DPH1: variants seen among roughly 807,000 people sequenced by gnomAD.
DPH1 encodes the protein 2-(3-amino-3-carboxypropyl)histidine synthase subunit 1.
In DPH1, 59 loss-of-function variants were observed where a neutral mutation model predicts 55.3. That is an observed-to-expected ratio of 1.07 (90% CI 0.87 to 1.33). The LOEUF (loss-of-function observed/expected upper bound fraction) is 1.33, where lower values mean the gene tolerates loss of function less well. Among genes scored for constraint, DPH1 ranks in the 40% most tolerant of loss-of-function variants. The probability of loss-of-function intolerance (pLI) is 0.00; values close to 1 mark genes in which losing one functional copy is unlikely to be tolerated. For missense variants in DPH1, 628 were observed against 584.8 expected, an observed-to-expected ratio of 1.07 and a Z score of -0.76; for synonymous variants, 238 against 235.5, an observed-to-expected ratio of 1.01 and a Z score of -0.10.
At chr17:2,031,746 A>G (rs1407964307) in intron 1 of DPH1, among the ~76,000 whole-genome samples, 1 of 152,110 alleles carries the variant, frequency 6.6e-6, no homozygotes, top group Non-Finnish European at 1.5e-5. Flanking sequence ...GCCTTAAAAA[A>G]TAATAAGATG....
chr17:2,038,246 G>A (rs2067456473), intron 6 of DPH1, among the ~76,000 whole-genome samples: 1 of 151,776 alleles, frequency 6.6e-6, no homozygotes, highest in African/African-American at 2.4e-5. Flanking sequence ...GATCGCTTGA[G>A]CCTGGGAGGT....
intron 9 of DPH1, 108 bp from the exon 10 acceptor site, chr17:2,040,994 TA>T: frequency 9.3e-7 from 1 of 1,070,008 alleles, no homozygotes; most frequent in Non-Finnish European, 1.4e-6. Flanking sequence ...TTAGGATTCA[TA>T]AAGCCTGTTA....
chr17:2,037,256 G>A (rs746352600), intron 6 of DPH1: 3 of 254,440 alleles, frequency 1.2e-5, no homozygotes, highest in African/African-American at 2.2e-5. Context: ...GGATGGGCAC[G>A]CCCAGGCTGC....
Position 2,033,790 on chromosome 17 carries a change from A to G in DPH1, c.226A>G (p.Met76Val). The change falls in exon 3 of 13, where the codon ATG (methionine) becomes GTG (valine). Residue 76 changes from methionine (M) to valine (V), a missense_variant. Transcript: ENST00000263083. Reference sequence around the variant, plus strand: ...TGCTCGTCTTGCAGTGGCCTTGCAAATGCCGGAAGGCCTCCTCCTCTTTGC... The same window carrying G: ...TGCTCGTCTTGCAGTGGCCTTGCAAGTGCCGGAAGGCCTCCTCCTCTTTGC... The part of the protein sequence containing the change: ...QAQAKKVALQ[M>V]PEGLLLFACT... 1.9e-6 allele frequency: 3 copies of G among 1,614,148 alleles called. No homozygotes were observed. The highest frequency in any genetic ancestry group is 2.5e-6 in the Non-Finnish European group (3 of 1,180,026).
intron 7 of DPH1, 51 bp from the exon 8 acceptor site, chr17:2,040,167 T>C: frequency 6.2e-7 from 1 of 1,606,618 alleles, no homozygotes; most frequent in Non-Finnish European, 8.5e-7. Flanking sequence ...GTGTGCATAA[T>C]ACTGGTCCTG....
chr17:2,032,901 T>G (rs1567542180), intron 1 of DPH1, among the ~76,000 whole-genome samples: 1 of 152,074 alleles, frequency 6.6e-6, no homozygotes, highest in Non-Finnish European at 1.5e-5. Context: ...CCGGCTAATT[T>G]TTTGTATTTT....
Position 2,041,189 on chromosome 17 carries a change from C to T in DPH1, c.1086+8C>T. On this transcript the variant is annotated splice_region_variant and intron_variant, in intron 10 of 12. Transcript: ENST00000263083. ...CTGCTGACACCCTATGAGGTAACAC[C>T]AAGCTCTGGGAGAGAGTGGGCTTTG... 1 of 1,600,436 alleles carries T rather than the reference C, an allele frequency of 6.2e-7. No homozygotes were observed. The highest frequency in any genetic ancestry group is 8.5e-7 in the Non-Finnish European group (1 of 1,173,010).
Position 2,036,831 on chromosome 17 carries a change from A to G in DPH1, c.559-4A>G, listed in dbSNP as rs772572785. 1.2e-5 allele frequency: 19 copies of G among 1,613,060 alleles called. No homozygotes were observed. In the East Asian group the frequency reaches 1.8e-4, roughly 15 times the overall value. ...TGGCTTCACTTCCCTCGTCATTCCTACAGGCAGCCGCCCAGGAGCTGAAAG... is the reference window on the plus strand; with the variant it reads ...TGGCTTCACTTCCCTCGTCATTCCTGCAGGCAGCCGCCCAGGAGCTGAAAG... On this transcript the variant is annotated splice_polypyrimidine_tract_variant and splice_region_variant and intron_variant, in intron 5 of 12. Transcript: ENST00000263083. The surrounding 1 kb of genome is among the most constrained non-coding windows in gnomAD (Gnocchi z 4.8).
intron 6 of DPH1, among the ~76,000 whole-genome samples, chr17:2,038,555 A>G (rs2067461621): frequency 6.6e-6 from 1 of 152,174 alleles, no homozygotes; most frequent in Non-Finnish European, 1.5e-5. Context: ...CCGCCGCGGC[A>G]TTAGATTCTT....
chr17:2,042,223 C>T lies in DPH1; in HGVS notation c.*18+348C>T. 1.4e-6 allele frequency: 2 copies of T among 1,426,890 alleles called. No homozygotes were observed. The highest frequency in any genetic ancestry group is 1.8e-6 in the Non-Finnish European group (2 of 1,097,920). The allele number at this position is 1,426,890 out of a possible 1,614,324, so 88.4% of individuals were successfully genotyped here. Reference sequence around the variant, plus strand: ...CCCCCGGGCCCCGAGGGCGCCAGATCAGACTTCGGTGAGACAAGCCCCGCT... The same window carrying T: ...CCCCCGGGCCCCGAGGGCGCCAGATTAGACTTCGGTGAGACAAGCCCCGCT... On this transcript the variant is annotated intron_variant, in intron 12 of 12. Coordinates refer to ENST00000263083, the MANE Select transcript of DPH1 (RefSeq NM_001383.6).
intron 12 of DPH1, chr17:2,042,301 C>T: frequency 7.2e-7 from 1 of 1,396,090 alleles, no homozygotes; most frequent in Non-Finnish European, 9.3e-7. Context: ...CGACACCCTT[C>T]AGCATCCCCC....
At position 2,041,843 on chromosome 17, in the gene DPH1, C is replaced by A; in HGVS notation, c.1303C>A (p.Pro435Thr). 1 of 1,599,590 alleles carries A rather than the reference C, an allele frequency of 6.3e-7. No homozygotes were observed. Among genetic ancestry groups the A allele is most frequent in the Middle Eastern group, 1.7e-4 (1 of 6,038 alleles). Residue 435 changes from proline to threonine, a missense_variant, in exon 12 of 13, where the codon CCG becomes ACG. Pro to Thr is a conservative substitution (Grantham distance 38). Coordinates refer to ENST00000263083, the MANE Select transcript of DPH1 (RefSeq NM_001383.6). ...CAGCTGCAGGGACGAGAAGGTGGCG[C>A]CGCTGGCTCCTTGACGCGCTCCCGG... Reference protein sequence around the residue: ...DCSCRDEKVAPLAP With the variant: ...DCSCRDEKVATLAP
chr17:2,031,918 A>C (rs1214308455), intron 1 of DPH1, among the ~76,000 whole-genome samples: 1 of 152,152 alleles, frequency 6.6e-6, no homozygotes, highest in Non-Finnish European at 1.5e-5. Flanking sequence ...TCTCTAAGGG[A>C]CAAGGTCACT....
chr17:2,038,548 C>T (rs886065434), intron 6 of DPH1, among the ~76,000 whole-genome samples: 9 of 152,154 alleles, frequency 5.9e-5, no homozygotes, highest in African/African-American at 2.2e-4. Flanking sequence ...GTCAGATCCG[C>T]CGCGGCATTA....
rs778585844 is a variant in DPH1, at chr17:2,042,596, T to C, written c.*19-9T>C. On this transcript the variant is annotated splice_polypyrimidine_tract_variant and intron_variant, in intron 12 of 12. Coordinates refer to ENST00000263083, the MANE Select transcript of DPH1 (RefSeq NM_001383.6). Reference sequence around the variant, plus strand: ...CCTAATCCCATCCTTTTTCCTCATATCGCTGTAGGGTCCTGCCCTCCGGAG... The same window carrying C: ...CCTAATCCCATCCTTTTTCCTCATACCGCTGTAGGGTCCTGCCCTCCGGAG... 26 of 1,510,510 alleles carry C rather than the reference T, an allele frequency of 1.7e-5. No individual in the cohort carries two copies. The East Asian group carries it at 4.8e-4, about 28-fold the overall frequency. 93.6% of individuals were successfully genotyped at this position (1,510,510 alleles called of 1,614,324 possible).
chr17:2,038,378 C>G (rs368603371), intron 6 of DPH1, among the ~76,000 whole-genome samples: 51 of 152,184 alleles, frequency 3.4e-4, no homozygotes, highest in African/African-American at 1.2e-3. Context: ...GCCCCAAGAG[C>G]TAGTTTGGGC....
At chr17:2,039,601 TCTC>T in intron 6 of DPH1, 151 bp from the exon 7 acceptor site, 1 of 788,378 alleles carries the variant, frequency 1.3e-6, no homozygotes. Context: ...ATGGTCTCGA[TCTC>T]CTGACCTCAT....
intron 1 of DPH1, among the ~76,000 whole-genome samples, chr17:2,032,304 A>G (rs950376107): frequency 6.6e-5 from 10 of 152,110 alleles, no homozygotes; most frequent in Non-Finnish European, 1.5e-4. Context: ...GGAGCAGTAT[A>G]TGGACTCAGA....
chr17:2,042,046 T>G, intron 12 of DPH1, 171 bp downstream of exon 12: 1 of 1,522,308 alleles, frequency 6.6e-7, no homozygotes, highest in Non-Finnish European at 8.8e-7. Flanking sequence ...TTGCCGGGCA[T>G]AATGGCCGCG....
Sources: gnomAD v4.1 joint callset for allele counts (sites outside exome capture counted in the v4.1 genomes callset) on GRCh38, gnomAD v4.1.1 for gene constraint, Gnocchi (gnomAD v3.1) non-coding constraint, MANE v1.5 for transcripts, NCBI Gene and HGNC (gene_info 2026-07-23, HGNC 2026-07-21) for gene names.